Variants in RNASET2 observed in about 807,000 individuals in gnomAD.
RNASET2 encodes ribonuclease T2, also known as ribonuclease 6.
Under a neutral mutation model 33.9 loss-of-function variants are expected in RNASET2, and 28 were observed. The ratio of observed to expected loss-of-function variants is 0.83; its 90% confidence interval spans 0.61 to 1.13. RNASET2 has a LOEUF of 1.13. RNASET2 is among the 50% of genes most tolerant of loss of function. The pLI is 0.00. For missense variants in RNASET2, 330 were observed against 319.9 expected, an observed-to-expected ratio of 1.03 and a Z score of -0.24; for synonymous variants, 123 against 121.0, an observed-to-expected ratio of 1.02 and a Z score of -0.11.
rs576639665 is a variant in RNASET2 at position 166,923,228 on chromosome 6, C to CTTTTTTTTTTTTTTTTTTTTTT, written c.*6359_*6360insAAAAAAAAAAAAAAAAAAAAAA. ...ACAGGCGTGAGCCACCAGGCCCGGCCTTTTTTTTTTTTTTTTTTTTTGAGA... is the reference window on the plus strand; with the variant it reads ...ACAGGCGTGAGCCACCAGGCCCGGCCTTTTTTTTTTTTTTTTTTTTTTTTTTTTTTTTTTTTTTTTTTTGAGA... On this transcript the variant is annotated 3_prime_UTR_variant, in exon 9 of 9. Coordinates refer to ENST00000508775, the MANE Select transcript of RNASET2 (RefSeq NM_003730.6). Among the ~76,000 whole-genome samples, 9 of 102,658 alleles carry CTTTTTTTTTTTTTTTTTTTTTT rather than the reference C, an allele frequency of 8.8e-5. No individual in the cohort carries two copies. Among genetic ancestry groups the CTTTTTTTTTTTTTTTTTTTTTT allele is most frequent in the African/African-American group, 1.6e-4 (3 of 19,136 alleles). The allele number at this position is 102,658 out of a possible 152,430, so 67.3% of individuals were successfully genotyped here. A position where few individuals can be genotyped will look rare whatever the true frequency, so the allele number is the denominator to read the frequency against.
At chr6:166,948,895 C>T (rs1202590446) in intron 2 of RNASET2, among the ~76,000 whole-genome samples, 3 of 152,140 alleles carry the variant, frequency 2.0e-5, no homozygotes, top group Non-Finnish European at 2.9e-5. Flanking sequence ...TAAGCCATTC[C>T]TCAAATATTT....
chr6:166,942,724 G>A (rs1778721096), intron 5 of RNASET2, among the ~76,000 whole-genome samples: 1 of 152,130 alleles, frequency 6.6e-6, no homozygotes, highest in Admixed American at 6.5e-5. Context: ...TTACAGGCAC[G>A]AGCCATTGTG....
rs1455476802 is a variant in RNASET2, at chr6:166,925,178, C to T, written c.*4410G>A. ...CCAGCCCTCACTCCTGCCGCCCAGC[C>T]CTCACTCCTGCCGCCCAGCCCTCAC... On this transcript the variant is annotated 3_prime_UTR_variant, in exon 9 of 9. Transcript: ENST00000508775. Among the ~76,000 whole-genome samples, 20 of 151,776 alleles carry T rather than the reference C, an allele frequency of 1.3e-4. No homozygotes were observed. Among genetic ancestry groups the T allele is most frequent in the Non-Finnish European group, 2.9e-4 (20 of 67,976 alleles).
rs1778255478 is a variant in RNASET2, at chr6:166,923,025, T to C, written c.*6563A>G. On this transcript the variant is annotated 3_prime_UTR_variant, in exon 9 of 9. Transcript: ENST00000508775. Reference sequence around the variant, plus strand: ...GTAAATGCATAAGAATGCACAGGTCTGAAATGTGAAAAGCACGTCAGCATA... The same window carrying C: ...GTAAATGCATAAGAATGCACAGGTCCGAAATGTGAAAAGCACGTCAGCATA... 6.6e-6 allele frequency among the ~76,000 whole-genome samples: 1 copy of C among 152,220 alleles called. No individual in the cohort carries two copies. Among genetic ancestry groups the C allele is most frequent in the Admixed American group, 6.5e-5 (1 of 15,280 alleles).
rs1290961471 is a variant in RNASET2, at chr6:166,955,329, ACGCACG to A, written c.86+762_86+767del. ...ACACGACACACACGCACACACACGC[ACGCACG>A]CACACGCACACGCACGCACACACAC... On this transcript the variant is annotated intron_variant, in intron 1 of 8. Transcript: ENST00000508775. Among the ~76,000 whole-genome samples, 30 of 84,112 alleles carry A rather than the reference ACGCACG, an allele frequency of 3.6e-4. 1 individual carries two copies. Among genetic ancestry groups the A allele is most frequent in the African/African-American group, 1.4e-3 (24 of 17,074 alleles). The allele number at this position is 84,112 out of a possible 152,430, so 55.2% of individuals were successfully genotyped here. A position where few individuals can be genotyped will look rare whatever the true frequency, so the allele number is the denominator to read the frequency against.
intron 4 of RNASET2, chr6:166,943,699 T>C: frequency 2.1e-6 from 1 of 465,606 alleles, no homozygotes; most frequent in Non-Finnish European, 4.4e-6. Flanking sequence ...TAATAAAGTA[T>C]CAGTATCAGT....
In RNASET2 at chr6:166,955,295, G is replaced by C. The variant is rs1437057455; in HGVS notation, c.86+802C>G. On this transcript the variant is annotated intron_variant, in intron 1 of 8. Transcript: ENST00000508775. ...CGCGCACACACGACACACACGCACA[G>C]ACGCGCACACACGACACACACGCAC... Among the ~76,000 whole-genome samples the C allele has an allele frequency of 7.2e-3, 378 of 52,288 alleles. 44 individuals are homozygous for C. The highest frequency in any genetic ancestry group is 0.036 in the African/African-American group (353 of 9,870). 34.3% of individuals were successfully genotyped at this position (52,288 alleles called of 152,430 possible). A position where few individuals can be genotyped will look rare whatever the true frequency, so the allele number is the denominator to read the frequency against.
intron 6 of RNASET2, among the ~76,000 whole-genome samples, chr6:166,938,321 G>A (rs537141767): frequency 1.3e-5 from 2 of 152,260 alleles, no homozygotes; most frequent in Admixed American, 6.5e-5. Context: ...GAGTGGGCTC[G>A]GTGTGGCGCT....
At chr6:166,947,117 G>T (rs77025052) in intron 3 of RNASET2, among the ~76,000 whole-genome samples, 1 of 151,836 alleles carries the variant, frequency 6.6e-6, no homozygotes, top group Non-Finnish European at 1.5e-5. Context: ...GCTGACCCCC[G>T]GCCAATCTCC....
chr6:166,945,073 C>A (rs1179975832), intron 4 of RNASET2: 1 of 158,032 alleles, frequency 6.3e-6, no homozygotes, highest in Non-Finnish European at 1.4e-5. Flanking sequence ...CCCTCACCCA[C>A]CCACGTCCAC....
In RNASET2 at chr6:166,935,271, G is replaced by A. The variant is rs139012331; in HGVS notation, c.447-1135C>T. Among the ~76,000 whole-genome samples the A allele has an allele frequency of 4.6e-5, 7 of 151,848 alleles. No homozygotes were observed. In the East Asian group the frequency reaches 1.2e-3, roughly 25 times the overall value. ...TTTTTTAATATTTATCCTAAGTTTC[G>A]ATGATCCTATTTTTGATATATTGAG... On this transcript the variant is annotated intron_variant, in intron 6 of 8. Transcript: ENST00000508775.
In RNASET2 at chr6:166,923,151, G is replaced by A. The variant is rs1778257438; in HGVS notation, c.*6437C>T. ...TGCCCAGGCTGGAGGGTGGAGCGCA[G>A]TGGCGCAATCTCCACTCACTGCAAC... On this transcript the variant is annotated 3_prime_UTR_variant, in exon 9 of 9. Coordinates refer to ENST00000508775, the MANE Select transcript of RNASET2 (RefSeq NM_003730.6). Among the ~76,000 whole-genome samples the A allele has an allele frequency of 1.3e-5, 2 of 151,884 alleles. No individual in the cohort carries two copies. The highest frequency in any genetic ancestry group is 1.3e-4 in the Admixed American group (2 of 15,270).
In RNASET2 at chr6:166,924,136, A is replaced by T. The variant is rs1218386409; in HGVS notation, c.*5452T>A. On this transcript the variant is annotated 3_prime_UTR_variant, in exon 9 of 9. Transcript: ENST00000508775. ...TTTTGAAACGGAGTCTTGCTCTGTC[A>T]TCCAGACTGGAGTGCAATGGTGTGA... 2.6e-5 allele frequency among the ~76,000 whole-genome samples: 4 copies of T among 152,152 alleles called. No individual in the cohort carries two copies. The highest frequency in any genetic ancestry group is 5.9e-5 in the Non-Finnish European group (4 of 68,032).
At chr6:166,930,967 T>A in intron 8 of RNASET2, 77 bp downstream of exon 8, 1 of 983,814 alleles carries the variant, frequency 1.0e-6, no homozygotes, top group South Asian at 1.3e-5. Context: ...GGGAACTGCA[T>A]GGTGAAGACA....
chr6:166,940,974 C>T (rs980350555), intron 5 of RNASET2, among the ~76,000 whole-genome samples: 3 of 152,192 alleles, frequency 2.0e-5, no homozygotes, highest in Non-Finnish European at 4.4e-5. Flanking sequence ...TGACACCTTC[C>T]CCTGCCCAAG....
At position 166,955,239 on chromosome 6, in the gene RNASET2, GCACACACACGCA is replaced by G. The variant is rs1562506741; in HGVS notation, c.86+846_86+857del. On this transcript the variant is annotated intron_variant, in intron 1 of 8. Transcript: ENST00000508775. ...CACACACGCGCACACACGCACGCAC[GCACACACACGCA>G]CACACGCACACACACACACGCGCAC... 6.0e-5 allele frequency among the ~76,000 whole-genome samples: 4 copies of G among 66,324 alleles called. No homozygotes were observed. In the East Asian group the frequency reaches 3.4e-3, roughly 56 times the overall value. 43.5% of individuals were successfully genotyped at this position (66,324 alleles called of 152,430 possible).
intron 7 of RNASET2, 174 bp from the exon 8 acceptor site, chr6:166,931,292 G>T: frequency 1.6e-6 from 1 of 640,274 alleles, no homozygotes; most frequent in Non-Finnish European, 2.8e-6. Context: ...AGCAGAGGAT[G>T]CTGTCAACCT....
At chr6:166,955,580 TCCA>T (rs1779144647) in intron 1 of RNASET2, 2 of 990,992 alleles carry the variant, frequency 2.0e-6, no homozygotes, top group Non-Finnish European at 1.2e-6. Flanking sequence ...GGAACAGTGC[TCCA>T]CCAAGCCTGC....
intron 6 of RNASET2, among the ~76,000 whole-genome samples, chr6:166,937,183 C>CTGGA (rs1208930059): frequency 6.6e-6 from 1 of 152,114 alleles, no homozygotes; most frequent in Non-Finnish European, 1.5e-5. Context: ...TTCGCACAGG[C>CTGGA]TGGAGTGCAA....
Sources: allele counts gnomAD v4.1 joint callset (sites outside exome capture counted in the v4.1 genomes callset), GRCh38; gene constraint gnomAD v4.1.1; transcripts MANE v1.5; gene names NCBI Gene and HGNC (gene_info 2026-07-23, HGNC 2026-07-21).